Variants in DLG2 observed in about 807,000 individuals in gnomAD.
DLG2 encodes discs large MAGUK scaffold protein 2.
DLG2 carries 45 observed loss-of-function variants against 132.5 expected under a neutral mutation model. The observed-to-expected ratio is 0.34, with a 90% confidence interval of 0.27 to 0.44. The LOEUF is 0.44. DLG2 is among the 20% of genes least tolerant of loss of function. The pLI is 1.00. For synonymous variants in DLG2, 424 were observed against 419.6 expected, an observed-to-expected ratio of 1.01 and a Z score of -0.13; for missense variants, 1,045 against 1,196.9, an observed-to-expected ratio of 0.87 and a Z score of 1.87.
intron 6 of DLG2, among the ~76,000 whole-genome samples, chr11:84,887,844 G>A (rs1156686899): frequency 2.0e-5 from 3 of 152,086 alleles, no homozygotes; most frequent in Non-Finnish European, 4.4e-5. Flanking sequence ...GCTGCATAAT[G>A]GGATTTGTTT....
At chr11:84,068,803 A>T (rs1435477660) in intron 10 of DLG2, among the ~76,000 whole-genome samples, 4 of 152,210 alleles carry the variant, frequency 2.6e-5, no homozygotes, top group Admixed American at 2.6e-4. Context: ...ATAGTCTTTA[A>T]TGTAAATAGA....
chr11:83,940,706 A>G (rs2082452564), intron 14 of DLG2, among the ~76,000 whole-genome samples: 1 of 152,210 alleles, frequency 6.6e-6, no homozygotes, highest in Non-Finnish European at 1.5e-5. Context: ...AGAGAATAGG[A>G]CAGAGGAAAC....
At chr11:85,241,031 C>G (rs1430581285) in intron 4 of DLG2, among the ~76,000 whole-genome samples, 1 of 151,392 alleles carries the variant, frequency 6.6e-6, no homozygotes, top group Non-Finnish European at 1.5e-5. Flanking sequence ...TATTAAATAT[C>G]TCTATGAACA....
intron 6 of DLG2, among the ~76,000 whole-genome samples, chr11:84,880,936 G>A (rs1269265891): frequency 6.6e-6 from 1 of 152,102 alleles, no homozygotes; most frequent in Non-Finnish European, 1.5e-5. Flanking sequence ...TGCAAGGCAT[G>A]TTTCTAATAG....
chr11:83,603,549 TA>T (rs2153383061), intron 19 of DLG2, among the ~76,000 whole-genome samples: 1 of 152,312 alleles, frequency 6.6e-6, no homozygotes, highest in Non-Finnish European at 1.5e-5. Context: ...GTAATATTTT[TA>T]ATTTTATTAA....
At chr11:84,394,387 A>G (rs1418950432) in intron 7 of DLG2, among the ~76,000 whole-genome samples, 1 of 151,614 alleles carries the variant, frequency 6.6e-6, no homozygotes, top group Non-Finnish European at 1.5e-5. Context: ...TCATTTTTAA[A>G]GACAAAAGTT....
At chr11:85,390,606 G>GA (rs1352292592) in intron 3 of DLG2, among the ~76,000 whole-genome samples, 1 of 151,276 alleles carries the variant, frequency 6.6e-6, no homozygotes, top group South Asian at 2.1e-4. Context: ...GACCACAGTG[G>GA]AAAAAAAATG....
At chr11:85,251,812 A>G (rs1017422458) in intron 4 of DLG2, among the ~76,000 whole-genome samples, 1 of 152,156 alleles carries the variant, frequency 6.6e-6, no homozygotes, top group African/African-American at 2.4e-5. Context: ...TGATTTTGTG[A>G]TATTTGCAGT....
intron 4 of DLG2, among the ~76,000 whole-genome samples, chr11:85,251,790 TAC>T (rs976894135): frequency 4.1e-4 from 63 of 152,278 alleles, no homozygotes; most frequent in African/African-American, 1.5e-3. Flanking sequence ...TACAATATCA[TAC>T]AATATTTTAT....
In DLG2 at chr11:85,071,296, C is replaced by T. The variant is rs117631756; in HGVS notation, c.357+40365G>A. 2.4e-3 allele frequency among the ~76,000 whole-genome samples: 371 copies of T among 151,884 alleles called. 1 individual carries two copies. The highest frequency in any genetic ancestry group is 3.3e-3 in the South Asian group (16 of 4,826). Reference sequence around the variant, plus strand: ...GTAAAAGAACTTCCCATTAGGATGACGCAGTCACTGGGGTGGAGATTACCC... The same window carrying T: ...GTAAAAGAACTTCCCATTAGGATGATGCAGTCACTGGGGTGGAGATTACCC... On this transcript the variant is annotated intron_variant, in intron 6 of 27. Coordinates refer to ENST00000376104, the MANE Select transcript of DLG2 (RefSeq NM_001142699.3).
intron 18 of DLG2, among the ~76,000 whole-genome samples, chr11:83,671,338 C>A (rs1037769714): frequency 1.3e-5 from 2 of 152,160 alleles, no homozygotes; most frequent in African/African-American, 4.8e-5. Flanking sequence ...GGGAAATCAA[C>A]GTGAACCCAC....
At chr11:84,599,405 C>T (rs557011873) in intron 6 of DLG2, among the ~76,000 whole-genome samples, 4 of 152,178 alleles carry the variant, frequency 2.6e-5, no homozygotes, top group Non-Finnish European at 5.9e-5. Flanking sequence ...GCAGAATCAG[C>T]TTTCTCCAGG....
At chr11:84,611,334 G>C (rs1005135259) in intron 6 of DLG2, among the ~76,000 whole-genome samples, 4 of 152,124 alleles carry the variant, frequency 2.6e-5, no homozygotes, top group Non-Finnish European at 5.9e-5. Flanking sequence ...ATTGACAGTA[G>C]AGAAAACGCC....
intron 4 of DLG2, among the ~76,000 whole-genome samples, chr11:85,260,517 A>G (rs1411181486): frequency 9.2e-5 from 14 of 152,162 alleles, no homozygotes; most frequent in Admixed American, 6.5e-4. Context: ...AATACCTTAA[A>G]CTGTAAATTC....
At chr11:84,499,835 G>C (rs1481003002) in intron 7 of DLG2, among the ~76,000 whole-genome samples, 1 of 151,846 alleles carries the variant, frequency 6.6e-6, no homozygotes, top group African/African-American at 2.4e-5. Flanking sequence ...ATATCTGCTT[G>C]TCTGGCATAG....
At chr11:84,600,224 G>GAAAT (rs61255791) in intron 6 of DLG2, among the ~76,000 whole-genome samples, 1 of 100,572 alleles carries the variant, frequency 9.9e-6, no homozygotes, top group Non-Finnish European at 2.0e-5. Context: ...AAGAAAGAAA[G>GAAAT]AGAAAGAAAG....
intron 2 of DLG2, among the ~76,000 whole-genome samples, chr11:85,614,562 C>T (rs985984739): frequency 6.6e-6 from 1 of 152,188 alleles, no homozygotes; most frequent in Non-Finnish European, 1.5e-5. Flanking sequence ...ACAGCTTGAA[C>T]TTGGGAGGCA....
At chr11:84,840,558 A>G (rs1345026252) in intron 6 of DLG2, among the ~76,000 whole-genome samples, 2 of 152,184 alleles carry the variant, frequency 1.3e-5, no homozygotes, top group Non-Finnish European at 2.9e-5. Flanking sequence ...TTATTGTGGC[A>G]CTATTCACAA....
At chr11:85,366,892 T>C (rs1372070824) in intron 3 of DLG2, among the ~76,000 whole-genome samples, 1 of 152,272 alleles carries the variant, frequency 6.6e-6, no homozygotes, top group South Asian at 2.1e-4. Context: ...ATTAACTATA[T>C]TTTTGTGAAT....
Sources: gnomAD v4.1 joint callset for allele counts (sites outside exome capture counted in the v4.1 genomes callset) on GRCh38, gnomAD v4.1.1 for gene constraint, MANE v1.5 for transcripts, NCBI Gene and HGNC (gene_info 2026-07-23, HGNC 2026-07-21) for gene names.